Variants in TTC7B observed in about 807,000 individuals in gnomAD.
The protein encoded by TTC7B is tetratricopeptide repeat protein 7B.
TTC7B carries 28 observed loss-of-function variants against 106.8 expected under a neutral mutation model. That is an observed-to-expected ratio of 0.26 (90% CI 0.19 to 0.36). The LOEUF is 0.36. TTC7B is among the 10% of genes least tolerant of loss of function. The probability of loss-of-function intolerance (pLI) is 1.00; values close to 1 mark genes in which losing one functional copy is unlikely to be tolerated. For missense variants in TTC7B, 862 were observed against 1,076.4 expected, an observed-to-expected ratio of 0.80 and a Z score of 2.79; for synonymous variants, 405 against 430.6, an observed-to-expected ratio of 0.94 and a Z score of 0.74.
Position 90,816,307 on chromosome 14 carries a change from C to T in TTC7B, c.-12G>A. On this transcript the variant is annotated 5_prime_UTR_variant, in exon 1 of 20. Coordinates refer to ENST00000328459, the MANE Select transcript of TTC7B (RefSeq NM_001010854.2). ...TTCTTGGTCGCCATCGCGGCCTGGC[C>T]GGGCCCGGCCGCCCGCCCCGCAGGC... 1 of 1,127,596 alleles carries T rather than the reference C, an allele frequency of 8.9e-7. No individual in the cohort carries two copies. Among genetic ancestry groups the T allele is most frequent in the South Asian group, 1.8e-5 (1 of 54,834 alleles). The allele number at this position is 1,127,596 out of a possible 1,614,324, so 69.8% of individuals were successfully genotyped here. A position where few individuals can be genotyped will look rare whatever the true frequency, so the allele number is the denominator to read the frequency against.
chr14:90,671,757 C>G (rs1886641672), intron 9 of TTC7B, among the ~76,000 whole-genome samples: 1 of 152,222 alleles, frequency 6.6e-6, no homozygotes, highest in Non-Finnish European at 1.5e-5. Context: ...TGGTCTGTGT[C>G]TCCTTTGTAC....
intron 3 of TTC7B, among the ~76,000 whole-genome samples, chr14:90,749,703 C>A (rs1263821205): frequency 6.6e-6 from 1 of 152,108 alleles, no homozygotes; most frequent in Admixed American, 6.5e-5. Context: ...CCGCACCTGG[C>A]CAATAATAAT....
chr14:90,806,557 G>C (rs1439542305), intron 1 of TTC7B, among the ~76,000 whole-genome samples: 1 of 152,142 alleles, frequency 6.6e-6, no homozygotes, highest in Non-Finnish European at 1.5e-5. Flanking sequence ...TTCAAATAAT[G>C]CTGGTGCCGG....
In TTC7B at chr14:90,539,845, T is replaced by C. The variant is rs747895710; in HGVS notation, c.*1523A>G. 2 of 152,280 alleles carry C rather than the reference T, an allele frequency of 1.3e-5. No homozygotes were observed. Among genetic ancestry groups the C allele is most frequent in the Non-Finnish European group, 2.9e-5 (2 of 68,080 alleles). The allele number at this position is 152,280 out of a possible 1,614,324, so 9.4% of individuals were successfully genotyped here. A position where few individuals can be genotyped will look rare whatever the true frequency, so the allele number is the denominator to read the frequency against. On this transcript the variant is annotated 3_prime_UTR_variant, in exon 20 of 20. Transcript: ENST00000328459. ...CATGGTGGCAAGAGGGCTGCTGCAGTTCCAGCCTCACTTCTCAGCTTGAAA... is the reference window on the plus strand; with the variant it reads ...CATGGTGGCAAGAGGGCTGCTGCAGCTCCAGCCTCACTTCTCAGCTTGAAA...
In TTC7B at chr14:90,540,358, G is replaced by A. The variant is rs1889532011; in HGVS notation, c.*1010C>T. 1 of 152,228 alleles carries A rather than the reference G, an allele frequency of 6.6e-6. No individual in the cohort carries two copies. Among genetic ancestry groups the A allele is most frequent in the African/African-American group, 2.4e-5 (1 of 41,436 alleles). 9.4% of individuals were successfully genotyped at this position (152,228 alleles called of 1,614,324 possible). On this transcript the variant is annotated 3_prime_UTR_variant, in exon 20 of 20. Coordinates refer to ENST00000328459, the MANE Select transcript of TTC7B (RefSeq NM_001010854.2). The stretch of plus-strand genomic sequence containing the variant: ...TGGGAGGATCACCTGAACCTGGGAA[G>A]TCGAGGCTGCAGTGATCTGTGATCG...
intron 3 of TTC7B, among the ~76,000 whole-genome samples, chr14:90,753,531 C>G (rs1297190786): frequency 4.6e-5 from 7 of 152,196 alleles, no homozygotes; most frequent in Non-Finnish European, 7.3e-5. Flanking sequence ...GTCAGATAGA[C>G]TTAGCTCAAT....
At chr14:90,684,737 G>T (rs555255653) in intron 7 of TTC7B, among the ~76,000 whole-genome samples, 1 of 152,322 alleles carries the variant, frequency 6.6e-6, no homozygotes, top group South Asian at 2.1e-4. Flanking sequence ...GACTGGAAGA[G>T]GCCACGGGAG....
rs1889305031 is a variant in TTC7B, at chr14:90,532,243, AT to A, written c.*9124del. The A allele has an allele frequency of 1.3e-5, 2 of 152,252 alleles. No homozygotes were observed. The highest frequency in any genetic ancestry group is 4.1e-4 in the South Asian group (2 of 4,836). 9.4% of individuals were successfully genotyped at this position (152,252 alleles called of 1,614,324 possible). ...TAAAACTATATAAAACTACATAAAA[AT>A]ATTTGTAAAAATTAACATAGTTACC... On this transcript the variant is annotated 3_prime_UTR_variant, in exon 20 of 20. Coordinates refer to ENST00000328459, the MANE Select transcript of TTC7B (RefSeq NM_001010854.2).
chr14:90,753,475 G>C (rs1566871024), intron 3 of TTC7B, among the ~76,000 whole-genome samples: 1 of 152,212 alleles, frequency 6.6e-6, no homozygotes, highest in Non-Finnish European at 1.5e-5. Context: ...AGCCCCGATG[G>C]CTGGTCTTGT....
At chr14:90,558,289 G>C (rs913980912) in intron 19 of TTC7B, among the ~76,000 whole-genome samples, 1 of 152,234 alleles carries the variant, frequency 6.6e-6, no homozygotes, top group Non-Finnish European at 1.5e-5. Context: ...TCCATGGAGA[G>C]TGCCGGCTAC....
chr14:90,606,424 C>G, intron 17 of TTC7B, among the ~76,000 whole-genome samples: 1 of 152,184 alleles, frequency 6.6e-6, no homozygotes, highest in Non-Finnish European at 1.5e-5. Flanking sequence ...AGTTAAAATA[C>G]TTATTTTGCG....
rs528518965 is a variant in TTC7B at position 90,582,213 on chromosome 14, C to T, written c.2108-3905G>A. ...GGGCAGTGTGGCTCCCTCTTGTTTG[C>T]CCCCCTCTCTCTGCCTCTGAGGCGC... is the stretch of plus-strand genomic sequence containing the variant. On this transcript the variant is annotated intron_variant, in intron 18 of 19. Transcript: ENST00000328459. Among the ~76,000 whole-genome samples the T allele has an allele frequency of 8.5e-5, 13 of 152,314 alleles. No homozygotes were observed. In the South Asian group the frequency reaches 2.1e-3, roughly 24 times the overall value.
chr14:90,605,035 C>A (rs1222061283), intron 17 of TTC7B, among the ~76,000 whole-genome samples: 1 of 152,084 alleles, frequency 6.6e-6, no homozygotes, highest in East Asian at 1.9e-4. Flanking sequence ...ATTTATAAAT[C>A]CAGATTCCCA....
At chr14:90,770,847 G>C (rs1948223471) in intron 3 of TTC7B, among the ~76,000 whole-genome samples, 1 of 152,118 alleles carries the variant, frequency 6.6e-6, no homozygotes, top group African/African-American at 2.4e-5. Flanking sequence ...GCACACAATA[G>C]AGTATTATTT....
chr14:90,696,984 C>T (rs900600426), intron 5 of TTC7B, among the ~76,000 whole-genome samples: 3 of 152,142 alleles, frequency 2.0e-5, no homozygotes, highest in Non-Finnish European at 2.9e-5. Flanking sequence ...TTAAGTAACA[C>T]GGCGGGAAGG....
chr14:90,743,027 T>C (rs888687285), intron 4 of TTC7B, among the ~76,000 whole-genome samples: 1 of 152,216 alleles, frequency 6.6e-6, no homozygotes, highest in Admixed American at 6.5e-5. Context: ...GCACGGTCCA[T>C]CAAGGAGGCA....
chr14:90,557,023 CTGCAG>C (rs2139778808), intron 19 of TTC7B, among the ~76,000 whole-genome samples: 1 of 152,326 alleles, frequency 6.6e-6, no homozygotes, highest in South Asian at 2.1e-4. Context: ...CATGCGGCCA[CTGCAG>C]TGCTGCACGG....
chr14:90,707,283 T>C (rs1888249369), intron 5 of TTC7B, among the ~76,000 whole-genome samples: 1 of 152,178 alleles, frequency 6.6e-6, no homozygotes, highest in African/African-American at 2.4e-5. Context: ...GATCAATAAA[T>C]GTTGTATATG....
At chr14:90,631,515 T>C (rs751640930) in intron 15 of TTC7B, among the ~76,000 whole-genome samples, 1 of 151,944 alleles carries the variant, frequency 6.6e-6, no homozygotes, top group African/African-American at 2.4e-5. Flanking sequence ...TTCAAGCGAT[T>C]CTTCTGCCTT....
Sources: gnomAD v4.1 joint callset for allele counts (sites outside exome capture counted in the v4.1 genomes callset) on GRCh38, gnomAD v4.1.1 for gene constraint, MANE v1.5 for transcripts, NCBI Gene and HGNC (gene_info 2026-07-23, HGNC 2026-07-21) for gene names.